MACROD1: variants seen among roughly 807,000 people sequenced by gnomAD.
MACROD1 encodes the protein ADP-ribose glycohydrolase MACROD1.
Under a neutral mutation model 41.4 loss-of-function variants are expected in MACROD1, and 31 were observed. That is an observed-to-expected ratio of 0.75 (90% CI 0.56 to 1.01). The LOEUF (loss-of-function observed/expected upper bound fraction) is 1.01, where lower values mean the gene tolerates loss of function less well. MACROD1 is among the 50% of genes least tolerant of loss of function. MACROD1 has a pLI of 0.00. For synonymous variants in MACROD1, 252 were observed against 203.4 expected, an observed-to-expected ratio of 1.24 and a Z score of -2.03; for missense variants, 473 against 460.0, an observed-to-expected ratio of 1.03 and a Z score of -0.26.
chr11:64,132,175 A>C (rs1202188107), intron 3 of MACROD1, among the ~76,000 whole-genome samples: 1 of 151,948 alleles, frequency 6.6e-6, no homozygotes, highest in African/African-American at 2.4e-5. Flanking sequence ...TGTGGTTAGG[A>C]ACAGCCCCAC....
rs1945118001 is a variant in MACROD1 at position 64,122,691 on chromosome 11, C to T, written c.517+28548G>A. On this transcript the variant is annotated intron_variant, in intron 3 of 10. Transcript: ENST00000255681. This position sits in a 1 kb window ranked among gnomAD's most constrained non-coding sequence, Gnocchi z 4.0. ...AGTGGGGGTGTGCTAGGGAGGGGTC[C>T]AGCGTCACTCAGGAAACTGGTGCTC... is the stretch of plus-strand genomic sequence containing the variant. 6.6e-6 allele frequency among the ~76,000 whole-genome samples: 1 copy of T among 152,128 alleles called. No individual in the cohort carries two copies. The highest frequency in any genetic ancestry group is 6.5e-5 in the Admixed American group (1 of 15,274).
intron 3 of MACROD1, among the ~76,000 whole-genome samples, chr11:64,110,080 G>A (rs1334801296): frequency 6.6e-6 from 1 of 152,136 alleles, no homozygotes; most frequent in African/African-American, 2.4e-5. Flanking sequence ...AAGTTCCCAT[G>A]TAAGGGCCCC....
rs146647961 is a variant in MACROD1 at position 64,120,081 on chromosome 11, A to G, written c.517+31158T>C. ...GGCCTCCACCACCGTGCGAAAAGCA[A>G]AGGCAGAAGCAGCAGCGGGGCAGGG... On this transcript the variant is annotated intron_variant, in intron 3 of 10. Coordinates refer to ENST00000255681, the MANE Select transcript of MACROD1 (RefSeq NM_014067.4). This position sits in a 1 kb window ranked among gnomAD's most constrained non-coding sequence, Gnocchi z 4.5. Among the ~76,000 whole-genome samples, 162 of 152,326 alleles carry G rather than the reference A, an allele frequency of 1.1e-3. No individual in the cohort carries two copies. The highest frequency in any genetic ancestry group is 2.0e-3 in the Non-Finnish European group (133 of 68,014).
At chr11:64,038,125 T>C (rs1330281191) in intron 3 of MACROD1, among the ~76,000 whole-genome samples, 1 of 152,070 alleles carries the variant, frequency 6.6e-6, no homozygotes, top group Non-Finnish European at 1.5e-5. Flanking sequence ...AGGCCTCCCA[T>C]GAAAGCCCCT....
At chr11:64,124,380 C>A (rs1277152548) in intron 3 of MACROD1, among the ~76,000 whole-genome samples, 1 of 152,236 alleles carries the variant, frequency 6.6e-6, no homozygotes, top group Non-Finnish European at 1.5e-5. Context: ...CATCCATCAC[C>A]GCCGGTGGAT....
chr11:64,023,948 C>T (rs773751341), intron 3 of MACROD1, among the ~76,000 whole-genome samples: 8 of 152,210 alleles, frequency 5.3e-5, no homozygotes, highest in Non-Finnish European at 7.3e-5. Flanking sequence ...TTCTTGGGCT[C>T]TGTCTGCCTG....
At chr11:64,085,640 G>T (rs922097828) in intron 3 of MACROD1, among the ~76,000 whole-genome samples, 2 of 152,232 alleles carry the variant, frequency 1.3e-5, no homozygotes, top group African/African-American at 4.8e-5. Context: ...CCACATGGCT[G>T]TGGGGAGGCT....
intron 3 of MACROD1, among the ~76,000 whole-genome samples, chr11:64,058,079 T>C (rs1377688237): frequency 3.9e-5 from 6 of 152,236 alleles, no homozygotes; most frequent in Non-Finnish European, 7.3e-5. Context: ...CTAGGAACAA[T>C]TGCGAACCCA....
intron 3 of MACROD1, among the ~76,000 whole-genome samples, chr11:64,070,842 AAG>A (rs1944095889): frequency 6.6e-6 from 1 of 152,076 alleles, no homozygotes; most frequent in African/African-American, 2.4e-5. Context: ...CTCGTTTTGG[AAG>A]AGGGGAGAGG....
chr11:64,100,226 T>C lies in MACROD1; in HGVS notation c.517+51013A>G, dbSNP rs191798646. 1.8e-3 allele frequency among the ~76,000 whole-genome samples: 281 copies of C among 152,262 alleles called. 3 individuals are homozygous for C. The highest frequency in any genetic ancestry group is 6.5e-3 in the African/African-American group (269 of 41,544). ...AAGGTGCATTGTCCCCTGGCATATA[T>C]GTATGGGCAGATTCGGCCAAAACGC... On this transcript the variant is annotated intron_variant, in intron 3 of 10. Coordinates refer to ENST00000255681, the MANE Select transcript of MACROD1 (RefSeq NM_014067.4).
chr11:64,053,309 AT>A (rs1943727758), intron 3 of MACROD1, among the ~76,000 whole-genome samples: 1 of 152,176 alleles, frequency 6.6e-6, no homozygotes. Flanking sequence ...TACCCTTTTA[AT>A]TAAGCCAATT....
At chr11:64,052,306 G>A (rs1332412352) in intron 3 of MACROD1, among the ~76,000 whole-genome samples, 1 of 152,174 alleles carries the variant, frequency 6.6e-6, no homozygotes, top group Non-Finnish European at 1.5e-5. Flanking sequence ...AATGTGAGAA[G>A]TTGTGAGAAT....
In MACROD1 at chr11:64,031,449, A is replaced by AGCCT. The variant is rs72360895; in HGVS notation, c.518-16172_518-16169dup. On this transcript the variant is annotated intron_variant, in intron 3 of 10. Coordinates refer to ENST00000255681, the MANE Select transcript of MACROD1 (RefSeq NM_014067.4). ...GAACTTGGATCAGAGAAGCTGCTGG[A>AGCCT]GCCTGCCTGCCTGCCTGCCTGCCTT... Among the ~76,000 whole-genome samples, 847 of 143,964 alleles carry AGCCT rather than the reference A, an allele frequency of 5.9e-3. 10 individuals are homozygous for AGCCT. Among genetic ancestry groups the AGCCT allele is most frequent in the African/African-American group, 0.02 (750 of 38,280 alleles). The allele number at this position is 143,964 out of a possible 152,430, so 94.4% of individuals were successfully genotyped here. A position where few individuals can be genotyped will look rare whatever the true frequency, so the allele number is the denominator to read the frequency against.
intron 3 of MACROD1, among the ~76,000 whole-genome samples, chr11:64,133,500 C>A (rs150825280): frequency 6.8e-4 from 103 of 152,286 alleles, no homozygotes; most frequent in African/African-American, 2.3e-3. Context: ...GTGTGGCTCG[C>A]GTTCTCTCCC....
chr11:64,152,173 C>A, intron 2 of MACROD1, 119 bp downstream of exon 2: 1 of 746,022 alleles, frequency 1.3e-6, no homozygotes, highest in South Asian at 1.5e-5. Context: ...ACACGCGGAG[C>A]ACCTGCCTGC....
intron 3 of MACROD1, among the ~76,000 whole-genome samples, chr11:64,023,529 C>T (rs1943186133): frequency 6.6e-6 from 1 of 152,184 alleles, no homozygotes; most frequent in Non-Finnish European, 1.5e-5. Flanking sequence ...GGTCCCAGCA[C>T]TCCTGGTAAG....
intron 1 of MACROD1, among the ~76,000 whole-genome samples, chr11:64,158,069 G>A (rs1376734550): frequency 6.6e-6 from 1 of 152,208 alleles, no homozygotes; most frequent in Non-Finnish European, 1.5e-5. Context: ...ACTCCCAGGG[G>A]TACCTGGAAA....
At chr11:64,118,351 C>G in intron 3 of MACROD1, 1 of 1,488,334 alleles carries the variant, frequency 6.7e-7, no homozygotes, top group African/African-American at 1.4e-5. Context: ...GGCCATGTGG[C>G]TTTGCCCAGC....
At chr11:64,003,725 C>T (rs1401949305) in intron 4 of MACROD1, among the ~76,000 whole-genome samples, 3 of 152,218 alleles carry the variant, frequency 2.0e-5, no homozygotes, top group Non-Finnish European at 4.4e-5. Context: ...GGGCTCCCAA[C>T]CTCAGTGGCT....
Sources: allele counts gnomAD v4.1 joint callset (sites outside exome capture counted in the v4.1 genomes callset), GRCh38; gene constraint gnomAD v4.1.1; non-coding constraint Gnocchi (gnomAD v3.1); transcripts MANE v1.5; gene names NCBI Gene and HGNC (gene_info 2026-07-23, HGNC 2026-07-21).